RANBP2: variants seen among roughly 807,000 people sequenced by gnomAD.
The protein encoded by RANBP2 is E3 SUMO-protein ligase RanBP2.
A neutral mutation model predicts 303.6 loss-of-function variants in RANBP2; 57 were observed. The ratio of observed to expected loss-of-function variants is 0.19; its 90% CI spans 0.15 to 0.23. The LOEUF is 0.23. Among genes scored for constraint, RANBP2 ranks in the 10% least tolerant of loss-of-function variants. RANBP2 has a pLI of 1.00. For synonymous variants in RANBP2, 1,167 were observed against 1,301.5 expected, an observed-to-expected ratio of 0.90 and a Z score of 2.23; for missense variants, 3,138 against 3,780.8, an observed-to-expected ratio of 0.83 and a Z score of 4.46.
chr2:109,399,772 C>T, the RANBP2 span, among the ~76,000 whole-genome samples: 1 of 152,272 alleles, frequency 6.6e-6, no homozygotes, highest in Non-Finnish European at 1.5e-5. Flanking sequence ...GCAGAGACTG[C>T]AGCAGGAGAT....
chr2:108,885,737 ACC>A, the RANBP2 span, among the ~76,000 whole-genome samples: 2 of 152,228 alleles, frequency 1.3e-5, no homozygotes, highest in East Asian at 3.9e-4. Flanking sequence ...GTACACTTTA[ACC>A]CAGTTCTCCT....
At chr2:109,709,039 A>G in the RANBP2 span, among the ~76,000 whole-genome samples, 1 of 151,648 alleles carries the variant, frequency 6.6e-6, no homozygotes, top group South Asian at 2.1e-4. Context: ...GCAGTGGGTC[A>G]CGCCTATAAT....
the RANBP2 span, among the ~76,000 whole-genome samples, chr2:109,677,093 G>T: frequency 6.6e-6 from 1 of 152,110 alleles, no homozygotes; most frequent in African/African-American, 2.4e-5. Flanking sequence ...TTGTTTGGCT[G>T]GAGCCCTCTC....
chr2:108,764,058 G>C lies in RANBP2; in HGVS notation c.3519G>C (p.Glu1173Asp). 1 of 1,614,048 alleles carries C rather than the reference G, an allele frequency of 6.2e-7. No homozygotes were observed. The highest frequency in any genetic ancestry group is 1.3e-5 in the African/African-American group (1 of 75,004). Residue 1173 changes from glutamate to aspartate, a missense_variant, in exon 20 of 29, where the codon GAG becomes GAC. Glu to Asp is a conservative substitution (Grantham distance 45). This residue lies in a region of RANBP2 where 403 missense variants were observed against 376.7 expected (regional missense o/e 1.07). Coordinates refer to ENST00000283195, the MANE Select transcript of RANBP2 (RefSeq NM_006267.5). ...ATGATGATGACGGTCCTCACTTTGAGCCTGTAGTACCTCTTCCTGATAAGA... is the reference window on the plus strand; with the variant it reads ...ATGATGATGACGGTCCTCACTTTGACCCTGTAGTACCTCTTCCTGATAAGA... ...GDDDDDGPHF[E>D]PVVPLPDKIE...
At chr2:109,131,239 T>C in the RANBP2 span, among the ~76,000 whole-genome samples, 1 of 152,094 alleles carries the variant, frequency 6.6e-6, no homozygotes, top group Non-Finnish European at 1.5e-5. Flanking sequence ...TGCCATACTT[T>C]GCTGCAATGG....
the RANBP2 span, among the ~76,000 whole-genome samples, chr2:109,078,169 C>T: frequency 2.1e-4 from 17 of 80,154 alleles, no homozygotes; most frequent in African/African-American, 3.9e-4. Flanking sequence ...ATATATATAG[C>T]GTGTATATAT....
chr2:109,339,185 G>A, the RANBP2 span, among the ~76,000 whole-genome samples: 1,325 of 151,300 alleles, frequency 8.8e-3, 15 homozygotes, highest in East Asian at 0.044. Context: ...GCAGAGAAGG[G>A]AGGCACACTC....
At chr2:109,087,194 G>T in the RANBP2 span, among the ~76,000 whole-genome samples, 2 of 152,172 alleles carry the variant, frequency 1.3e-5, no homozygotes, top group Non-Finnish European at 2.9e-5. Flanking sequence ...GGAGCTGGAC[G>T]TGGCCATTGC....
chr2:108,935,176 T>C, the RANBP2 span, among the ~76,000 whole-genome samples: 1 of 152,154 alleles, frequency 6.6e-6, no homozygotes, highest in Non-Finnish European at 1.5e-5. Flanking sequence ...CCCGACCTGC[T>C]CTCTCTTCCT....
At chr2:109,558,622 G>C in the RANBP2 span, among the ~76,000 whole-genome samples, 2 of 152,076 alleles carry the variant, frequency 1.3e-5, no homozygotes, top group African/African-American at 4.8e-5. Flanking sequence ...TGGGCCTCGT[G>C]ACAAGCCTGC....
the RANBP2 span, among the ~76,000 whole-genome samples, chr2:108,829,888 CAT>C: frequency 9.2e-5 from 14 of 152,252 alleles, no homozygotes; most frequent in East Asian, 5.8e-4. Context: ...AAACTTAAAA[CAT>C]AGAATTACCT....
the RANBP2 span, among the ~76,000 whole-genome samples, chr2:109,549,253 G>A: frequency 6.6e-6 from 1 of 152,290 alleles, no homozygotes; most frequent in Non-Finnish European, 1.5e-5. Flanking sequence ...GCAAGGGCAG[G>A]TTTCTATCAC....
the RANBP2 span, among the ~76,000 whole-genome samples, chr2:108,932,041 G>C: frequency 6.6e-6 from 1 of 152,006 alleles, no homozygotes; most frequent in African/African-American, 2.4e-5. Flanking sequence ...GAATTCTCTC[G>C]TCCTTAGCAA....
the RANBP2 span, among the ~76,000 whole-genome samples, chr2:109,185,487 G>C: frequency 6.6e-6 from 1 of 152,224 alleles, no homozygotes; most frequent in East Asian, 1.9e-4. Context: ...ACATTTACTT[G>C]AGTCACAGAG....
the RANBP2 span, among the ~76,000 whole-genome samples, chr2:109,508,570 C>T: frequency 6.6e-6 from 1 of 151,530 alleles, no homozygotes; most frequent in African/African-American, 2.4e-5. Context: ...ACGTGGACAT[C>T]ATTACAAATG....
At chr2:109,433,322 A>G in the RANBP2 span, among the ~76,000 whole-genome samples, 1 of 152,224 alleles carries the variant, frequency 6.6e-6, no homozygotes, top group African/African-American at 2.4e-5. Context: ...TTGTGGTAAT[A>G]TATTTTTTTC....
chr2:109,404,291 G>A, the RANBP2 span, among the ~76,000 whole-genome samples: 1 of 152,252 alleles, frequency 6.6e-6, no homozygotes, highest in East Asian at 1.9e-4. Flanking sequence ...TGAGAATGCT[G>A]AAAAGGAAGA....
chr2:109,590,106 G>A, the RANBP2 span, among the ~76,000 whole-genome samples: 1 of 142,324 alleles, frequency 7.0e-6, no homozygotes, highest in Non-Finnish European at 1.5e-5. Context: ...ACATATATAT[G>A]TATGTATATA....
the RANBP2 span, among the ~76,000 whole-genome samples, chr2:109,227,516 G>T: frequency 1.3e-5 from 2 of 152,198 alleles, no homozygotes. Flanking sequence ...TGGGTGCTTT[G>T]TGTGGGCTCC....
Sources: gnomAD v4.1 joint callset for allele counts (sites outside exome capture counted in the v4.1 genomes callset) on GRCh38, gnomAD v4.1.1 for gene constraint, gnomAD v4.1.1 regional missense constraint, MANE v1.5 for transcripts, NCBI Gene and HGNC (gene_info 2026-07-23, HGNC 2026-07-21) for gene names.